The following ZNRF2 variants were observed in gnomAD, a reference collection of about 807,000 sequenced individuals.
The protein encoded by ZNRF2 is zinc and ring finger 2.
In ZNRF2, 16 loss-of-function variants were observed where a neutral mutation model predicts 20.4. The ratio of observed to expected loss-of-function variants is 0.79; its 90% CI spans 0.53 to 1.19. The LOEUF (loss-of-function observed/expected upper bound fraction) is 1.19, where lower values mean the gene tolerates loss of function less well. ZNRF2 is among the 50% of genes most tolerant of loss of function. The pLI is 0.00. For missense variants in ZNRF2, 363 were observed against 332.4 expected (o/e 1.09, Z -0.72); for synonymous variants, 178 against 144.9 (o/e 1.23, Z -1.64).
At chr7:30,343,881 CTT>C in intron 2 of ZNRF2, among the ~76,000 whole-genome samples, 1 of 84,474 alleles carries the variant, frequency 1.2e-5, no homozygotes, top group Middle Eastern at 9.6e-3. Flanking sequence ...GGTTTCATGA[CTT>C]TTTAAAAATG....
chr7:30,312,482 C>T (rs1472928913), intron 1 of ZNRF2, among the ~76,000 whole-genome samples: 1 of 152,058 alleles, frequency 6.6e-6, no homozygotes, highest in Non-Finnish European at 1.5e-5. Flanking sequence ...CAATTGAGTA[C>T]TAAGGAGAAA....
At chr7:30,303,758 A>T (rs1270853630) in intron 1 of ZNRF2, among the ~76,000 whole-genome samples, 1 of 152,194 alleles carries the variant, frequency 6.6e-6, no homozygotes, top group Admixed American at 6.6e-5. Context: ...CTTGTTACAC[A>T]CATTTTTGGG....
At chr7:30,336,306 T>TGGCC (rs1325818460) in intron 2 of ZNRF2, among the ~76,000 whole-genome samples, 2 of 152,024 alleles carry the variant, frequency 1.3e-5, no homozygotes. Flanking sequence ...GCCTCAGAAG[T>TGGCC]GGCCATAAGT....
chr7:30,313,475 T>G (rs1799321194), intron 1 of ZNRF2, among the ~76,000 whole-genome samples: 1 of 152,134 alleles, frequency 6.6e-6, no homozygotes, highest in Admixed American at 6.5e-5. Context: ...CCCTCTAGTT[T>G]GTGAATTCCC....
chr7:30,332,071 A>G (rs781211082), intron 2 of ZNRF2, among the ~76,000 whole-genome samples: 3 of 152,196 alleles, frequency 2.0e-5, no homozygotes, highest in Non-Finnish European at 2.9e-5. Flanking sequence ...AATTGTTACA[A>G]AGTATAGCAG....
At chr7:30,320,515 T>C (rs1201249155) in intron 1 of ZNRF2, among the ~76,000 whole-genome samples, 1 of 152,196 alleles carries the variant, frequency 6.6e-6, no homozygotes, top group Non-Finnish European at 1.5e-5. Context: ...GGAGGTGATA[T>C]GCATTCTGTA....
At position 30,367,643 on chromosome 7, in the gene ZNRF2, A is replaced by G. The variant is rs1324816886; in HGVS notation, c.*1631A>G. On this transcript the variant is annotated 3_prime_UTR_variant, in exon 5 of 5. Transcript: ENST00000323037. The stretch of plus-strand genomic sequence containing the variant: ...AGGAGCAACTGCTGCTACCCAGAAA[A>G]ATGTGTGTATTATAAATAATTAAAG... The G allele has an allele frequency of 2.0e-5, 3 of 151,930 alleles. No homozygotes were observed. The highest frequency in any genetic ancestry group is 2.0e-4 in the Admixed American group (3 of 15,240). The allele number at this position is 151,930 out of a possible 1,614,324, so 9.4% of individuals were successfully genotyped here.
intron 1 of ZNRF2, among the ~76,000 whole-genome samples, chr7:30,317,951 A>T (rs1414041046): frequency 2.0e-5 from 3 of 152,170 alleles, no homozygotes; most frequent in African/African-American, 7.2e-5. Flanking sequence ...TCTGTCACTG[A>T]TTCATTCCAT....
At chr7:30,359,403 C>T (rs556082989) in intron 3 of ZNRF2, among the ~76,000 whole-genome samples, 4 of 152,260 alleles carry the variant, frequency 2.6e-5, no homozygotes, top group South Asian at 2.1e-4. Flanking sequence ...TTGGAAATAG[C>T]GTTCTCCCTC....
intron 2 of ZNRF2, among the ~76,000 whole-genome samples, chr7:30,330,829 T>A (rs1185726660): frequency 6.6e-6 from 1 of 152,172 alleles, no homozygotes. Flanking sequence ...AAGTCTAAGT[T>A]ATCGCTGCTT....
chr7:30,362,377 C>T lies in ZNRF2; in HGVS notation c.672C>T (p.Gly224=). The T allele has an allele frequency of 6.3e-7, 1 of 1,577,964 alleles. No homozygotes were observed. Among genetic ancestry groups the T allele is most frequent in the Non-Finnish European group, 8.6e-7 (1 of 1,156,844 alleles). Residue 224 remains glycine (G), a splice_region_variant and synonymous_variant, in exon 4 of 5, where the codon GGC becomes GGT. Coordinates refer to ENST00000323037, the MANE Select transcript of ZNRF2 (RefSeq NM_147128.4). ...TTTTTCTGGTTTTGTTCCTTTCTAG[C>T]TGCATAGATGAATGGTTTGAAGTAA... ...RLPCLCIYHK[G]CIDEWFEVNR... is the part of the protein sequence containing the mutation.
At chr7:30,289,636 G>A (rs1798860742) in intron 1 of ZNRF2, among the ~76,000 whole-genome samples, 2 of 152,150 alleles carry the variant, frequency 1.3e-5, no homozygotes, top group Admixed American at 6.5e-5. Flanking sequence ...ATACCTTCGT[G>A]TTACATGTTT....
intron 2 of ZNRF2, 23 bp downstream of exon 2, chr7:30,323,760 A>G: frequency 7.4e-7 from 1 of 1,352,936 alleles, no homozygotes; most frequent in Middle Eastern, 1.9e-4. Flanking sequence ...GTTTAAAATA[A>G]TATTTTAAGT....
chr7:30,357,130 A>G (rs1390744517), intron 3 of ZNRF2, among the ~76,000 whole-genome samples: 1 of 152,196 alleles, frequency 6.6e-6, no homozygotes, highest in African/African-American at 2.4e-5. Context: ...ACCTAGAAAA[A>G]TAGAGCAATG....
intron 2 of ZNRF2, among the ~76,000 whole-genome samples, chr7:30,352,230 A>G (rs1344928254): frequency 6.6e-6 from 1 of 151,956 alleles, no homozygotes; most frequent in Non-Finnish European, 1.5e-5. Context: ...TTCAACTTTA[A>G]ATCTTAGGCT....
intron 1 of ZNRF2, among the ~76,000 whole-genome samples, chr7:30,321,422 C>G (rs1339160748): frequency 6.6e-6 from 1 of 151,892 alleles, no homozygotes; most frequent in Non-Finnish European, 1.5e-5. Context: ...CATTTGCTGC[C>G]GACTTCTCTC....
In ZNRF2 at chr7:30,320,662, A is replaced by G. The variant is rs1318178085; in HGVS notation, c.470-2980A>G. ...GTTCTGAGCACATTTAAGGTAGGCT[A>G]GCCTAAGCTACGATGTTTGGTAGTT... is the stretch of plus-strand genomic sequence containing the variant. On this transcript the variant is annotated intron_variant, in intron 1 of 4. Transcript: ENST00000323037. 2.0e-5 allele frequency among the ~76,000 whole-genome samples: 3 copies of G among 152,212 alleles called. No homozygotes were observed. In the East Asian group the frequency reaches 5.8e-4, roughly 29 times the overall value.
chr7:30,326,451 CA>C (rs1247575353), intron 2 of ZNRF2, among the ~76,000 whole-genome samples: 6 of 152,124 alleles, frequency 3.9e-5, no homozygotes, highest in African/African-American at 1.4e-4. Context: ...TCCATGTTTC[CA>C]CAGAGGACAT....
chr7:30,335,311 G>A (rs1799700768), intron 2 of ZNRF2, among the ~76,000 whole-genome samples: 1 of 152,080 alleles, frequency 6.6e-6, no homozygotes, highest in South Asian at 2.1e-4. Context: ...TAAAAGGAAA[G>A]AAGAGAGAAA....
Sources: gnomAD v4.1 joint callset for allele counts (sites outside exome capture counted in the v4.1 genomes callset) on GRCh38, gnomAD v4.1.1 for gene constraint, MANE v1.5 for transcripts, NCBI Gene and HGNC (gene_info 2026-07-23, HGNC 2026-07-21) for gene names.